The following PACS1 variants were observed in gnomAD, a reference collection of about 807,000 sequenced individuals.
PACS1 encodes the protein PACS-1.
A neutral mutation model predicts 115.0 loss-of-function variants in PACS1; 24 were observed. The observed-to-expected ratio is 0.21, with a 90% confidence interval of 0.15 to 0.29. The LOEUF (loss-of-function observed/expected upper bound fraction) is 0.29. Among genes scored for constraint, PACS1 ranks in the 10% least tolerant of loss-of-function variants. The pLI is 1.00. For missense variants in PACS1, 838 were observed against 1,251.2 expected (o/e 0.67, Z 4.98); for synonymous variants, 453 against 504.5 (o/e 0.90, Z 1.37).
intron 1 of PACS1, among the ~76,000 whole-genome samples, chr11:66,091,691 T>G (rs1857669290): frequency 6.6e-6 from 1 of 150,438 alleles, no homozygotes; most frequent in Non-Finnish European, 1.5e-5. Context: ...CCCACAACAG[T>G]CCCCAGAGTG....
At chr11:66,212,400 G>A (rs1163346207) in intron 4 of PACS1, among the ~76,000 whole-genome samples, 1 of 150,756 alleles carries the variant, frequency 6.6e-6, no homozygotes, top group African/African-American at 2.4e-5. Flanking sequence ...CCAAAGTGCT[G>A]AGATTACAGG....
intron 1 of PACS1, among the ~76,000 whole-genome samples, chr11:66,134,309 T>C (rs1016688731): frequency 1.7e-5 from 2 of 118,180 alleles, no homozygotes; most frequent in Non-Finnish European, 3.3e-5. Flanking sequence ...TCCCCCAAGC[T>C]GGAGTGCAGT....
At chr11:66,078,770 T>A (rs1857434246) in intron 1 of PACS1, among the ~76,000 whole-genome samples, 1 of 152,168 alleles carries the variant, frequency 6.6e-6, no homozygotes, top group Admixed American at 6.5e-5. Context: ...CCCAGGCTGA[T>A]CTCAAACTCC....
At chr11:66,159,175 C>T (rs950326086) in intron 1 of PACS1, among the ~76,000 whole-genome samples, 1 of 152,112 alleles carries the variant, frequency 6.6e-6, no homozygotes, top group East Asian at 1.9e-4. Context: ...TGGTGGCTCA[C>T]GCCTATAATC....
chr11:66,146,415 A>G (rs1050068735), intron 1 of PACS1, among the ~76,000 whole-genome samples: 2 of 152,218 alleles, frequency 1.3e-5, no homozygotes, highest in African/African-American at 4.8e-5. Context: ...AGTAACTAAA[A>G]TTAAAAATTC....
At chr11:66,210,605 G>A (rs1443759143) in intron 3 of PACS1, among the ~76,000 whole-genome samples, 154 bp downstream of exon 3, 3 of 152,228 alleles carry the variant, frequency 2.0e-5, no homozygotes, top group Non-Finnish European at 4.4e-5. Flanking sequence ...GGCTGGCCTG[G>A]AGGGCCAAAG....
At chr11:66,205,633 C>T (rs1025065301) in intron 2 of PACS1, among the ~76,000 whole-genome samples, 12 of 150,720 alleles carry the variant, frequency 8.0e-5, no homozygotes, top group African/African-American at 2.9e-4. Flanking sequence ...AACAAATTTC[C>T]TCAAATATCA....
intron 1 of PACS1, among the ~76,000 whole-genome samples, chr11:66,091,363 ACTT>A (rs1857656437): frequency 1.3e-5 from 2 of 151,942 alleles, no homozygotes; most frequent in East Asian, 3.9e-4. Context: ...CTGGTCTTGA[ACTT>A]CTGAGCTCAA....
intron 1 of PACS1, among the ~76,000 whole-genome samples, chr11:66,111,617 C>G (rs928905323): frequency 2.6e-5 from 4 of 152,136 alleles, no homozygotes; most frequent in African/African-American, 9.7e-5. Flanking sequence ...AAGCCAGAAA[C>G]CTAGGAATTA....
rs1376620780 is a variant in PACS1 at position 66,215,792 on chromosome 11, T to G, written c.661-327T>G. On this transcript the variant is annotated intron_variant, in intron 4 of 23. Coordinates refer to ENST00000320580, the MANE Select transcript of PACS1 (RefSeq NM_018026.4). ...GCAGACGCCTGTAATCCCAGCTACT[T>G]GGGAGCCTGAGGCAGGAGAATCGCT... Among the ~76,000 whole-genome samples, 30 of 151,132 alleles carry G rather than the reference T, an allele frequency of 2.0e-4. 1 individual carries two copies. The highest frequency in any genetic ancestry group is 1.3e-4 in the Non-Finnish European group (9 of 67,796).
intron 1 of PACS1, among the ~76,000 whole-genome samples, chr11:66,076,796 C>A (rs1024824205): frequency 1.3e-5 from 2 of 152,202 alleles, no homozygotes; most frequent in Non-Finnish European, 2.9e-5. Context: ...TGTCACATTC[C>A]GGAAATTCCG....
chr11:66,206,401 T>TG (rs749825239), intron 2 of PACS1, among the ~76,000 whole-genome samples: 12 of 152,098 alleles, frequency 7.9e-5, no homozygotes, highest in South Asian at 2.1e-4. Flanking sequence ...GCTAAACCCC[T>TG]GGGGAAGGGT....
At chr11:66,141,303 T>G (rs959370152) in intron 1 of PACS1, among the ~76,000 whole-genome samples, 1 of 152,186 alleles carries the variant, frequency 6.6e-6, no homozygotes, top group African/African-American at 2.4e-5. Context: ...TTCCTTTTTT[T>G]TCCCCAGAGA....
At chr11:66,082,223 TTTTG>T (rs551755417) in intron 1 of PACS1, among the ~76,000 whole-genome samples, 31 of 152,092 alleles carry the variant, frequency 2.0e-4, no homozygotes, top group South Asian at 6.2e-4. Context: ...AGTTTTTTGG[TTTTG>T]TTTGTTTGTT....
chr11:66,183,168 C>A (rs536922414), intron 1 of PACS1, among the ~76,000 whole-genome samples: 5 of 152,012 alleles, frequency 3.3e-5, no homozygotes, highest in African/African-American at 9.7e-5. Flanking sequence ...TGCCTTAGTT[C>A]ATTGTTTCAC....
intron 2 of PACS1, 148 bp from the exon 3 acceptor site, chr11:66,210,214 T>C (rs571102451): frequency 3.4e-6 from 2 of 584,556 alleles, no homozygotes; most frequent in African/African-American, 3.8e-5. Context: ...TTTTATTTTT[T>C]GTAGAAACAG....
intron 1 of PACS1, among the ~76,000 whole-genome samples, chr11:66,154,457 A>G (rs1859310209): frequency 1.3e-5 from 2 of 152,100 alleles, no homozygotes; most frequent in South Asian, 4.1e-4. Context: ...AAAAATAGAG[A>G]GGCTACTAGG....
chr11:66,175,500 C>T (rs967563025), intron 1 of PACS1, among the ~76,000 whole-genome samples: 1 of 152,172 alleles, frequency 6.6e-6, no homozygotes, highest in African/African-American at 2.4e-5. Context: ...CTCATTGCAT[C>T]TAGATTAGAT....
chr11:66,238,018 A>C (rs957657553), intron 19 of PACS1: 2 of 971,268 alleles, frequency 2.1e-6, no homozygotes, highest in Non-Finnish European at 2.4e-6. Context: ...GCCTGGGCCC[A>C]GGTGATAGGG....
Sources: allele counts gnomAD v4.1 joint callset (sites outside exome capture counted in the v4.1 genomes callset), GRCh38; gene constraint gnomAD v4.1.1; transcripts MANE v1.5; gene names NCBI Gene and HGNC (gene_info 2026-07-23, HGNC 2026-07-21).